Variants in ITGB8 observed in about 807,000 individuals in gnomAD.
ITGB8 encodes the protein integrin subunit beta 8.
Under a neutral mutation model 89.5 loss-of-function variants are expected in ITGB8, and 30 were observed. The observed-to-expected ratio is 0.34, with a 90% CI of 0.25 to 0.45. The LOEUF (loss-of-function observed/expected upper bound fraction) is 0.45. Ranked by LOEUF, ITGB8 falls within the 20% of genes least tolerant of loss-of-function variation. The pLI is 1.00. For synonymous variants in ITGB8, 335 were observed against 320.4 expected, an observed-to-expected ratio of 1.05 and a Z score of -0.49; for missense variants, 836 against 933.3, an observed-to-expected ratio of 0.90 and a Z score of 1.36.
intron 9 of ITGB8, among the ~76,000 whole-genome samples, chr7:20,400,747 C>A (rs1355960158): frequency 6.6e-6 from 1 of 152,146 alleles, no homozygotes; most frequent in Non-Finnish European, 1.5e-5. Flanking sequence ...TCTGGGCTAT[C>A]TTCTTCCATG....
intron 10 of ITGB8, among the ~76,000 whole-genome samples, chr7:20,403,657 A>G (rs1274280906): frequency 6.6e-6 from 1 of 152,144 alleles, no homozygotes; most frequent in African/African-American, 2.4e-5. Flanking sequence ...AGCTGGTCCT[A>G]CAGTAGAATC....
chr7:20,394,775 G>C (rs1787003116), intron 7 of ITGB8, 121 bp from the exon 8 acceptor site: 2 of 691,302 alleles, frequency 2.9e-6, no homozygotes, highest in Non-Finnish European at 5.0e-6. Context: ...GTGTCTTATA[G>C]GTTTTCATTC....
intron 9 of ITGB8, among the ~76,000 whole-genome samples, chr7:20,401,084 C>G (rs1787289630): frequency 6.9e-6 from 1 of 145,334 alleles, no homozygotes; most frequent in Admixed American, 6.7e-5. Flanking sequence ...AAGCAATTCT[C>G]CTGCCTCAGC....
chr7:20,367,049 A>G lies in ITGB8; in HGVS notation c.251A>G (p.Asp84Gly). 1 of 1,612,570 alleles carries G rather than the reference A, an allele frequency of 6.2e-7. No individual in the cohort carries two copies. The highest frequency in any genetic ancestry group is 8.5e-7 in the Non-Finnish European group (1 of 1,179,384). The change falls in exon 3 of 14, where the codon GAT (aspartate) becomes GGT (glycine). Residue 84 changes from aspartate to glycine, a missense_variant. Physicochemically the swap from Asp to Gly is moderately conservative, Grantham distance 94. Coordinates refer to ENST00000222573, the MANE Select transcript of ITGB8 (RefSeq NM_002214.3). ...ISGGSRSERC[D>G]IVSNLISKGC... ...GGTGGATCAAGAAGTGAACGTTGTG[A>G]TATTGTTTCCAATTTAATAAGCAAA...
At chr7:20,408,998 C>A (rs1787660439) in intron 12 of ITGB8, among the ~76,000 whole-genome samples, 1 of 152,110 alleles carries the variant, frequency 6.6e-6, no homozygotes, top group Non-Finnish European at 1.5e-5. Flanking sequence ...TTCATGTTGT[C>A]CCAAATTGGA....
At chr7:20,361,163 T>C (rs1785488762) in intron 1 of ITGB8, among the ~76,000 whole-genome samples, 2 of 152,162 alleles carry the variant, frequency 1.3e-5, no homozygotes, top group South Asian at 4.1e-4. Context: ...TCTTGAGAAG[T>C]GTCTGTCCGT....
At chr7:20,397,094 C>A (rs17365446) in intron 8 of ITGB8, among the ~76,000 whole-genome samples, 8 of 152,134 alleles carry the variant, frequency 5.3e-5, no homozygotes, top group African/African-American at 1.7e-4. Flanking sequence ...CTATTAGATA[C>A]TAAAAGGGAA....
intron 8 of ITGB8, 25 bp downstream of exon 8, chr7:20,395,010 T>A: frequency 7.0e-7 from 1 of 1,428,834 alleles, no homozygotes; most frequent in Non-Finnish European, 9.8e-7. Flanking sequence ...GATACAATTT[T>A]TTAAATAAAA....
chr7:20,381,738 A>G lies in ITGB8; in HGVS notation c.813A>G (p.Gly271=), dbSNP rs748333798. ...LQAAVCESHI[G]WRKEAKRLLL... ...TGTTTATTTTTAAGAGTCATATCGG[A>G]TGGCGAAAAGAGGCTAAAAGATTGC... The change falls in exon 6 of 14, where the codon GGA becomes GGG. Residue 271 remains glycine, a synonymous_variant. Coordinates refer to ENST00000222573, the MANE Select transcript of ITGB8 (RefSeq NM_002214.3). 19 of 1,608,142 alleles carry G rather than the reference A, an allele frequency of 1.2e-5. No homozygotes were observed. In the Admixed American group the frequency reaches 3.2e-4, roughly 27 times the overall value.
At chr7:20,354,073 C>A (rs748201990) in intron 1 of ITGB8, among the ~76,000 whole-genome samples, 2 of 150,006 alleles carry the variant, frequency 1.3e-5, no homozygotes, top group Admixed American at 1.3e-4. Context: ...ATGAAGATTA[C>A]TTAAGAATAT....
intron 6 of ITGB8, among the ~76,000 whole-genome samples, chr7:20,389,671 AGTT>A (rs552824481): frequency 1.2e-3 from 185 of 152,342 alleles, no homozygotes; most frequent in South Asian, 3.7e-3. Flanking sequence ...CTTGAAAAGC[AGTT>A]GTTGTCATTA....
rs942885723 is a variant in ITGB8 at position 20,410,870 on chromosome 7, T to C, written c.*873T>C. On this transcript the variant is annotated 3_prime_UTR_variant, in exon 14 of 14. Coordinates refer to ENST00000222573, the MANE Select transcript of ITGB8 (RefSeq NM_002214.3). Reference sequence around the variant, plus strand: ...ACAAGTGTGGAGTTTTGTATCCTCTTACCTGGTAAACTGAAGGGATTGTTT... The same window carrying C: ...ACAAGTGTGGAGTTTTGTATCCTCTCACCTGGTAAACTGAAGGGATTGTTT... The C allele has an allele frequency of 6.5e-6, 1 of 152,684 alleles. No individual in the cohort carries two copies. Among genetic ancestry groups the C allele is most frequent in the Non-Finnish European group, 1.5e-5 (1 of 68,054 alleles). The allele number at this position is 152,684 out of a possible 1,614,324, so 9.5% of individuals were successfully genotyped here.
chr7:20,375,305 T>C (rs1185909555), intron 3 of ITGB8, among the ~76,000 whole-genome samples: 36 of 152,126 alleles, frequency 2.4e-4, no homozygotes, highest in Admixed American at 2.4e-3. Flanking sequence ...AAGAATTGAT[T>C]GTTTAATATA....
At position 20,381,797 on chromosome 7, in the gene ITGB8, C is replaced by T; in HGVS notation, c.872C>T (p.Ala291Val). The T allele has an allele frequency of 6.2e-7, 1 of 1,613,996 alleles. No homozygotes were observed. The highest frequency in any genetic ancestry group is 8.5e-7 in the Non-Finnish European group (1 of 1,179,874). Residue 291 changes from alanine (A) to valine (V), a missense_variant, in exon 6 of 14, where the codon GCT becomes GTT. Ala to Val is a moderately conservative substitution (Grantham distance 64, BLOSUM62 0). Coordinates refer to ENST00000222573, the MANE Select transcript of ITGB8 (RefSeq NM_002214.3). ...LVMTDQTSHL[A>V]LDSKLAGIVV... ...ATGACAGATCAGACGTCTCATCTCG[C>T]TCTTGATAGCAAATTGGCAGGCATA...
intron 1 of ITGB8, among the ~76,000 whole-genome samples, chr7:20,360,982 G>A (rs1040489329): frequency 3.1e-5 from 4 of 127,186 alleles, no homozygotes; most frequent in East Asian, 2.2e-4. Flanking sequence ...TGGAAAAAAC[G>A]TTCCTTTTTT....
intron 12 of ITGB8, among the ~76,000 whole-genome samples, chr7:20,407,304 A>G (rs1328850286): frequency 1.3e-5 from 2 of 151,964 alleles, no homozygotes; most frequent in African/African-American, 4.8e-5. Flanking sequence ...ATACATTAAT[A>G]TGTGCAGTTT....
chr7:20,330,788 A>G (rs1330031649), upstream of ITGB8: 1 of 152,052 alleles, frequency 6.6e-6, no homozygotes, highest in Non-Finnish European at 1.5e-5. Context: ...CTCTGCCCTG[A>G]GTGCACCCGG....
chr7:20,375,376 TTAGA>T (rs1180392594), intron 3 of ITGB8, among the ~76,000 whole-genome samples: 1 of 148,996 alleles, frequency 6.7e-6, no homozygotes, highest in Non-Finnish European at 1.5e-5. Context: ...AAAAGGAAAA[TTAGA>T]TAGCTCTGCA....
chr7:20,378,126 A>G (rs1786228606), intron 3 of ITGB8, among the ~76,000 whole-genome samples: 1 of 152,258 alleles, frequency 6.6e-6, no homozygotes, highest in African/African-American at 2.4e-5. Context: ...TATACTTGAA[A>G]TTAAAAGTAG....
Sources: allele counts gnomAD v4.1 joint callset (sites outside exome capture counted in the v4.1 genomes callset), GRCh38; gene constraint gnomAD v4.1.1; transcripts MANE v1.5; gene names NCBI Gene and HGNC (gene_info 2026-07-23, HGNC 2026-07-21).